The following RNLS variants were observed in gnomAD, a reference collection of about 807,000 sequenced individuals.
RNLS encodes the protein renalase, FAD dependent amine oxidase, also known as renalase.
RNLS carries 39 observed loss-of-function variants against 39.8 expected under a neutral mutation model. That is an observed-to-expected ratio of 0.98 (90% CI 0.76 to 1.28). The LOEUF (loss-of-function observed/expected upper bound fraction) is 1.28. RNLS is among the 50% of genes most tolerant of loss of function. RNLS has a pLI of 0.00. For missense variants in RNLS, 410 were observed against 413.3 expected (o/e 0.99, Z 0.07); for synonymous variants, 147 against 150.7 (o/e 0.98, Z 0.18).
chr10:88,264,240 G>A, the RNLS span, among the ~76,000 whole-genome samples: 1 of 152,118 alleles, frequency 6.6e-6, no homozygotes, highest in African/African-American at 2.4e-5. Flanking sequence ...CATTTGGGCT[G>A]GTTCCATATG....
At chr10:88,198,761 G>A in the RNLS span, among the ~76,000 whole-genome samples, 1 of 152,036 alleles carries the variant, frequency 6.6e-6, no homozygotes, top group African/African-American at 2.4e-5. Flanking sequence ...GTTTTCTGAG[G>A]CCTCCCCAGC....
Position 88,275,075 on chromosome 10 carries a change from C to A in RNLS, c.877-43G>T, listed in dbSNP as rs1435560678. 2.1e-6 allele frequency: 3 copies of A among 1,412,124 alleles called. No individual in the cohort carries two copies. The Admixed American group carries it at 5.0e-5, about 24-fold the overall frequency. The allele number at this position is 1,412,124 out of a possible 1,614,324, so 87.5% of individuals were successfully genotyped here. ...ATCCTTCAACCCCAGTGCCACCCAA[C>A]ACAATGGCCTCTGACACCTTGTCTA... On this transcript the variant is annotated intron_variant, in intron 6 of 6. Coordinates refer to the RNLS transcript ENST00000371947.
chr10:88,239,092 C>T, the RNLS span, among the ~76,000 whole-genome samples: 5 of 151,958 alleles, frequency 3.3e-5, no homozygotes, highest in South Asian at 2.1e-4. Context: ...TAAATATCAA[C>T]GAATTGCTTA....
intron 5 of RNLS, among the ~76,000 whole-genome samples, chr10:88,344,113 C>G (rs1452012556): frequency 1.3e-5 from 2 of 152,126 alleles, no homozygotes; most frequent in Non-Finnish European, 1.5e-5. Context: ...CTGAATTGGG[C>G]AAGGTTTTCC....
chr10:88,383,615 T>C, intron 4 of RNLS, among the ~76,000 whole-genome samples: 1 of 152,128 alleles, frequency 6.6e-6, no homozygotes, highest in East Asian at 1.9e-4. Flanking sequence ...AAATGAAATT[T>C]CCTTATTTCA....
chr10:88,436,326 C>T (rs962426352), intron 4 of RNLS, among the ~76,000 whole-genome samples: 4 of 152,020 alleles, frequency 2.6e-5, no homozygotes, highest in East Asian at 1.9e-4. Context: ...GAGACTCATC[C>T]GGCAGCCTCT....
the RNLS span, among the ~76,000 whole-genome samples, chr10:88,203,374 A>ACGTG: frequency 8.9e-4 from 2 of 2,252 alleles, 1 homozygote; most frequent in Non-Finnish European, 3.2e-3. Context: ...GTGTGTATAT[A>ACGTG]TATATATATA....
chr10:88,260,136 A>G, the RNLS span, among the ~76,000 whole-genome samples: 6 of 152,200 alleles, frequency 3.9e-5, no homozygotes, highest in African/African-American at 1.4e-4. Context: ...CCAAGAGAAC[A>G]CAATCTCTGC....
Position 88,581,586 on chromosome 10 carries a change from CT to C in RNLS, c.347del (p.Lys116SerfsTer4). 6.3e-7 allele frequency: 1 copy of C among 1,598,066 alleles called. No individual in the cohort carries two copies. Among genetic ancestry groups the C allele is most frequent in the Non-Finnish European group, 8.5e-7 (1 of 1,173,640 alleles). On this transcript the variant is annotated frameshift_variant, in exon 3 of 7. Coordinates refer to ENST00000331772, the MANE Select transcript of RNLS (RefSeq NM_001031709.3). LOFTEE classifies it high-confidence loss of function. ...TCCCACCTGATTCTTTCAAGTAATG[CT>C]TAATAATTGAAGAAATTCCTTGAGG... is the stretch of plus-strand genomic sequence containing the variant. Reference protein sequence around the residue: ...VAPQGISSIIKHYLKESGAEV... With the variant: ...VAPQGISSIIXHYLKESGAEV...
chr10:88,362,046 T>A (rs1392941310), intron 5 of RNLS, among the ~76,000 whole-genome samples: 1 of 152,200 alleles, frequency 6.6e-6, no homozygotes, highest in Non-Finnish European at 1.5e-5. Context: ...ACATTGTTTA[T>A]AAAGTAAATT....
At chr10:88,370,118 T>C (rs1315307421) in intron 4 of RNLS, among the ~76,000 whole-genome samples, 1 of 152,198 alleles carries the variant, frequency 6.6e-6, no homozygotes, top group African/African-American at 2.4e-5. Flanking sequence ...GTTGAAACAT[T>C]ATACTCTCAG....
intron 5 of RNLS, among the ~76,000 whole-genome samples, chr10:88,353,324 T>C (rs1240272539): frequency 6.6e-6 from 1 of 152,238 alleles, no homozygotes; most frequent in Non-Finnish European, 1.5e-5. Context: ...TTTAGATCTT[T>C]CCTGCTTTCT....
chr10:88,414,740 TC>T (rs1258649092), intron 4 of RNLS, among the ~76,000 whole-genome samples: 1 of 152,220 alleles, frequency 6.6e-6, no homozygotes, highest in African/African-American at 2.4e-5. Context: ...AATGGTCCGT[TC>T]TATCAACCTG....
At chr10:88,560,998 C>T (rs1266885738) in intron 4 of RNLS, among the ~76,000 whole-genome samples, 1 of 151,962 alleles carries the variant, frequency 6.6e-6, no homozygotes, top group Non-Finnish European at 1.5e-5. Context: ...CCATAATCCA[C>T]TCTGCTACAA....
At chr10:88,345,925 C>G (rs557994330) in intron 5 of RNLS, among the ~76,000 whole-genome samples, 3 of 152,132 alleles carry the variant, frequency 2.0e-5, no homozygotes, top group Non-Finnish European at 2.9e-5. Context: ...AAGTCCATTG[C>G]AGTATATTAG....
intron 5 of RNLS, among the ~76,000 whole-genome samples, chr10:88,337,929 C>G (rs532788478): frequency 6.6e-6 from 1 of 152,204 alleles, no homozygotes; most frequent in South Asian, 2.1e-4. Flanking sequence ...CCCATCTCCC[C>G]CAAATCTTAC....
At chr10:88,443,096 C>T (rs1841823206) in intron 4 of RNLS, among the ~76,000 whole-genome samples, 1 of 152,128 alleles carries the variant, frequency 6.6e-6, no homozygotes, top group South Asian at 2.1e-4. Flanking sequence ...TCTTCTATTT[C>T]TTCCCCTCCT....
At chr10:88,366,203 T>C (rs562940773) in intron 4 of RNLS, among the ~76,000 whole-genome samples, 51 of 152,148 alleles carry the variant, frequency 3.4e-4, no homozygotes, top group Non-Finnish European at 4.9e-4. Context: ...CTATTTTATA[T>C]AGACTGTCAG....
chr10:88,349,904 T>C (rs1221769061), intron 5 of RNLS, among the ~76,000 whole-genome samples: 1 of 152,080 alleles, frequency 6.6e-6, no homozygotes, highest in African/African-American at 2.4e-5. Flanking sequence ...AACAGATTTA[T>C]AGGGAAAACA....
Sources: gnomAD v4.1 joint callset for allele counts (sites outside exome capture counted in the v4.1 genomes callset) on GRCh38, gnomAD v4.1.1 for gene constraint, MANE v1.5 for transcripts, NCBI Gene and HGNC (gene_info 2026-07-23, HGNC 2026-07-21) for gene names.